NLRP8: variants seen among roughly 807,000 people sequenced by gnomAD.
NLRP8 encodes NLR family pyrin domain containing 8.
A neutral mutation model predicts 88.7 loss-of-function variants in NLRP8; 86 were observed. The observed-to-expected ratio is 0.97, with a 90% CI of 0.81 to 1.16. The LOEUF is 1.16. NLRP8 is among the 50% of genes most tolerant of loss of function. The pLI is 0.00. For missense variants in NLRP8, 1,342 were observed against 1,286.5 expected, an observed-to-expected ratio of 1.04 and a Z score of -0.66; for synonymous variants, 504 against 494.6, an observed-to-expected ratio of 1.02 and a Z score of -0.25.
rs190395873 is a variant in NLRP8 at position 55,967,043 on chromosome 19, C to A, written c.2381+663C>A. 7.2e-4 allele frequency among the ~76,000 whole-genome samples: 110 copies of A among 152,176 alleles called. 1 individual carries two copies. In the East Asian group the frequency reaches 0.018, roughly 25 times the overall value. On this transcript the variant is annotated intron_variant, in intron 5 of 9. Coordinates refer to ENST00000291971, the MANE Select transcript of NLRP8 (RefSeq NM_176811.2). ...CATCTTGGAGAATGGGAGATCTAGC[C>A]CTTCAAACATTTATCCTTTGTATTA...
intron 9 of NLRP8, among the ~76,000 whole-genome samples, chr19:55,982,815 G>A (rs1047598034): frequency 1.3e-5 from 2 of 152,090 alleles, no homozygotes; most frequent in Non-Finnish European, 2.9e-5. Flanking sequence ...GCATGATGGC[G>A]CATGCCTGTG....
Position 55,952,626 on chromosome 19 carries a change from T to C in NLRP8, c.442+14T>C. The C allele has an allele frequency of 6.2e-7, 1 of 1,610,170 alleles. No homozygotes were observed. Among genetic ancestry groups the C allele is most frequent in the Non-Finnish European group, 8.5e-7 (1 of 1,176,452 alleles). On this transcript the variant is annotated intron_variant, in intron 2 of 9. Coordinates refer to ENST00000291971, the MANE Select transcript of NLRP8 (RefSeq NM_176811.2). ...AAGGAGAATCTGGTATGTGCCTGTATCACAGCAGACCCTGGTGAAAAAATG... is the reference window on the plus strand; with the variant it reads ...AAGGAGAATCTGGTATGTGCCTGTACCACAGCAGACCCTGGTGAAAAAATG...
At chr19:55,983,463 C>CAAAAAA (rs3974175) in intron 9 of NLRP8, among the ~76,000 whole-genome samples, 5 of 85,318 alleles carry the variant, frequency 5.9e-5, no homozygotes, top group South Asian at 8.8e-4. Context: ...GACTCCATCT[C>CAAAAAA]AAAAAAAAAA....
rs1013388933 is a variant in NLRP8, at chr19:55,962,296, C to T, written c.2213+59C>T. On this transcript the variant is annotated intron_variant, in intron 4 of 9. Coordinates refer to ENST00000291971, the MANE Select transcript of NLRP8 (RefSeq NM_176811.2). ...TTATGGAGATGGTCTGTTTCCCATC[C>T]ACTTTCTTCATTCCCTCTCCACTCA... 13 of 1,522,368 alleles carry T rather than the reference C, an allele frequency of 8.5e-6. No homozygotes were observed. In the African/African-American group the frequency reaches 1.5e-4, roughly 18 times the overall value. The allele number at this position is 1,522,368 out of a possible 1,614,324, so 94.3% of individuals were successfully genotyped here.
Position 55,955,559 on chromosome 19 carries a change from G to A in NLRP8, c.1501G>A (p.Asp501Asn), listed in dbSNP as rs1979308881. 1.2e-6 allele frequency: 2 copies of A among 1,614,102 alleles called. No homozygotes were observed. Among genetic ancestry groups the A allele is most frequent in the South Asian group, 1.1e-5 (1 of 91,080 alleles). ...TCTTCGGAGAATTGCAGGTGAGGAA[G>A]ACCACTATGTCTTTACCCTCGTGAC... The change falls in exon 3 of 10, where the codon GAC becomes AAC. Residue 501 changes from aspartate (D) to asparagine (N), a missense_variant. By Grantham distance (23) the Asp-to-Asn change is conservative (BLOSUM62 1). Transcript: ENST00000291971.
intron 3 of NLRP8, among the ~76,000 whole-genome samples, chr19:55,959,519 A>ATT (rs10645776): frequency 0.61 from 93,161 of 151,588 alleles, 28,807 homozygotes; most frequent in East Asian, 0.81. Context: ...GCCAGGGTGT[A>ATT]TTTTTTTAAA....
In NLRP8 at chr19:55,972,157, C is replaced by T. The variant is rs138719411; in HGVS notation, c.2534+1461C>T. On this transcript the variant is annotated intron_variant, in intron 6 of 9. Coordinates refer to ENST00000291971, the MANE Select transcript of NLRP8 (RefSeq NM_176811.2). ...TGAGACAGAATCTTGCTCTGTTGCC[C>T]AGGCTGGAGTGCAGTGGTGTGATCT... is the stretch of plus-strand genomic sequence containing the variant. 9.7e-3 allele frequency among the ~76,000 whole-genome samples: 1,439 copies of T among 148,320 alleles called. 46 individuals carry two copies. The highest frequency in any genetic ancestry group is 0.055 in the East Asian group (279 of 5,078).
intron 4 of NLRP8, among the ~76,000 whole-genome samples, chr19:55,964,472 T>A (rs1979749118): frequency 6.6e-6 from 1 of 152,056 alleles, no homozygotes; most frequent in South Asian, 2.1e-4. Flanking sequence ...AAATAGCCGG[T>A]CGGGCGTGGT....
chr19:55,970,055 T>A (rs1427935148), intron 5 of NLRP8, among the ~76,000 whole-genome samples: 1 of 152,166 alleles, frequency 6.6e-6, no homozygotes, highest in Non-Finnish European at 1.5e-5. Context: ...TGAGGTCTAT[T>A]GCACAGCAGG....
At chr19:55,953,806 T>C (rs1269622781) in intron 2 of NLRP8, among the ~76,000 whole-genome samples, 1 of 139,960 alleles carries the variant, frequency 7.1e-6, no homozygotes, top group Non-Finnish European at 1.5e-5. Flanking sequence ...TTTTTTTTTT[T>C]TTTTTTTTTT....
chr19:55,980,228 G>A (rs1158665618), intron 9 of NLRP8, among the ~76,000 whole-genome samples: 2 of 152,056 alleles, frequency 1.3e-5, no homozygotes, highest in African/African-American at 4.8e-5. Flanking sequence ...TATAAAATTG[G>A]GATGGTGTCT....
At chr19:55,958,843 G>A (rs1287539715) in intron 3 of NLRP8, among the ~76,000 whole-genome samples, 5 of 151,796 alleles carry the variant, frequency 3.3e-5, no homozygotes, top group Admixed American at 6.6e-5. Flanking sequence ...GAGCCACCGC[G>A]TCCAGCCAGG....
intron 7 of NLRP8, among the ~76,000 whole-genome samples, chr19:55,975,369 C>T (rs1423101149): frequency 6.6e-6 from 1 of 152,192 alleles, no homozygotes; most frequent in African/African-American, 2.4e-5. Flanking sequence ...GCAGCTTTGG[C>T]AGTTCCTCAA....
chr19:55,981,060 G>T (rs1166633205), intron 9 of NLRP8, among the ~76,000 whole-genome samples: 1 of 152,154 alleles, frequency 6.6e-6, no homozygotes, highest in East Asian at 1.9e-4. Flanking sequence ...CCTTCCCAGG[G>T]AGAAGAAAGA....
intron 6 of NLRP8, among the ~76,000 whole-genome samples, chr19:55,972,205 C>T (rs1395349317): frequency 6.6e-6 from 1 of 150,670 alleles, no homozygotes; most frequent in East Asian, 1.9e-4. Flanking sequence ...AGCTCTGCCT[C>T]CCTGCTTCAA....
intron 4 of NLRP8, among the ~76,000 whole-genome samples, chr19:55,964,778 T>G (rs1260303422): frequency 6.6e-6 from 1 of 151,206 alleles, no homozygotes; most frequent in East Asian, 1.9e-4. Flanking sequence ...AAAAAAGAAC[T>G]AGTTAGCCAC....
intron 8 of NLRP8, among the ~76,000 whole-genome samples, chr19:55,978,405 G>A (rs1980436170): frequency 6.6e-6 from 1 of 152,058 alleles, no homozygotes; most frequent in African/African-American, 2.4e-5. Flanking sequence ...GAAATTGCAT[G>A]ACGTATAAAG....
intron 8 of NLRP8, 82 bp downstream of exon 8, chr19:55,976,385 G>A: frequency 8.3e-7 from 1 of 1,200,538 alleles, no homozygotes; most frequent in Non-Finnish European, 1.1e-6. Flanking sequence ...TAACAGGAAA[G>A]GGCTGTCTTT....
Position 55,955,061 on chromosome 19 carries a change from A to C in NLRP8, c.1003A>C (p.Arg335=), listed in dbSNP as rs767485403. Residue 335 remains arginine, a synonymous_variant, in exon 3 of 10, where the codon AGA becomes CGA. Transcript: ENST00000291971. ...AGAGGCCACGCTACTGATCATGATA[A>C]GATTTACCTCTTGGCAGACATGCAA... The C allele has an allele frequency of 6.2e-7, 1 of 1,614,104 alleles. No individual in the cohort carries two copies.
Sources: allele counts gnomAD v4.1 joint callset (sites outside exome capture counted in the v4.1 genomes callset), GRCh38; gene constraint gnomAD v4.1.1; transcripts MANE v1.5; gene names NCBI Gene and HGNC (gene_info 2026-07-23, HGNC 2026-07-21).